SCHIP1: variants seen among roughly 807,000 people sequenced by gnomAD.
SCHIP1 encodes schwannomin-interacting protein 1.
In SCHIP1, 8 loss-of-function variants were observed where a neutral mutation model predicts 29.7. The ratio of observed to expected loss-of-function variants is 0.27; its 90% CI spans 0.16 to 0.49. SCHIP1 has a LOEUF of 0.49. Among genes scored for constraint, SCHIP1 ranks in the 20% least tolerant of loss-of-function variants. The pLI is 0.99. For missense variants in SCHIP1, 193 were observed against 294.6 expected, an observed-to-expected ratio of 0.66 and a Z score of 2.52; for synonymous variants, 76 against 94.9, an observed-to-expected ratio of 0.80 and a Z score of 1.16.
the SCHIP1 span, among the ~76,000 whole-genome samples, chr3:159,619,815 T>G: frequency 6.6e-6 from 1 of 152,216 alleles, no homozygotes; most frequent in South Asian, 2.1e-4. Context: ...ATGGCAGTGC[T>G]TCGTGTAACA....
At chr3:159,283,578 C>T in the SCHIP1 span, among the ~76,000 whole-genome samples, 1 of 151,660 alleles carries the variant, frequency 6.6e-6, no homozygotes, top group Admixed American at 6.6e-5. Context: ...GGCGCGCGAT[C>T]TTGGCGTGAG....
chr3:159,557,529 A>C, the SCHIP1 span, among the ~76,000 whole-genome samples: 1 of 152,174 alleles, frequency 6.6e-6, no homozygotes, highest in Admixed American at 6.5e-5. Flanking sequence ...AAGAATCAAA[A>C]TTTTGGCTGG....
At chr3:159,424,218 G>A in the SCHIP1 span, among the ~76,000 whole-genome samples, 15 of 152,230 alleles carry the variant, frequency 9.9e-5, no homozygotes, top group Middle Eastern at 3.4e-3. Context: ...GTTGAGAGAA[G>A]AAGGCTTCAG....
the SCHIP1 span, among the ~76,000 whole-genome samples, chr3:159,494,793 C>T: frequency 2.0e-5 from 3 of 151,686 alleles, no homozygotes; most frequent in Non-Finnish European, 2.9e-5. Context: ...CTGGCAGAGA[C>T]ACAACAAAAA....
intron 2 of SCHIP1, among the ~76,000 whole-genome samples, chr3:159,867,800 T>G (rs1212464795): frequency 6.6e-6 from 1 of 152,106 alleles, no homozygotes; most frequent in Non-Finnish European, 1.5e-5. Flanking sequence ...ATGTCTCATT[T>G]TCTTCATTTT....
At chr3:159,330,544 C>T in the SCHIP1 span, among the ~76,000 whole-genome samples, 54,585 of 151,826 alleles carry the variant, frequency 0.36, 11,200 homozygotes, top group East Asian at 0.47. Flanking sequence ...TATAGTATTG[C>T]GATTCCACTG....
chr3:159,301,626 T>C, the SCHIP1 span, among the ~76,000 whole-genome samples: 4 of 152,160 alleles, frequency 2.6e-5, no homozygotes, highest in Non-Finnish European at 4.4e-5. Context: ...TTTGCTGTTC[T>C]CGTGATAGTG....
At chr3:159,895,300 CCT>C (rs937691611) in intron 6 of SCHIP1, among the ~76,000 whole-genome samples, 4 of 152,238 alleles carry the variant, frequency 2.6e-5, no homozygotes, top group African/African-American at 7.2e-5. Flanking sequence ...TTGTCACTCC[CCT>C]GTTTCTGAAA....
At chr3:159,515,831 T>G in the SCHIP1 span, among the ~76,000 whole-genome samples, 14 of 152,224 alleles carry the variant, frequency 9.2e-5, no homozygotes, top group African/African-American at 2.6e-4. Context: ...GCACAGGAGA[T>G]ATGGTAGCGA....
chr3:159,765,421 C>A, the SCHIP1 span: 4 of 378,376 alleles, frequency 1.1e-5, no homozygotes, highest in East Asian at 1.9e-4. Flanking sequence ...AATGGAATTA[C>A]TTATGGAGAC....
the SCHIP1 span, among the ~76,000 whole-genome samples, chr3:159,500,735 G>C: frequency 6.6e-6 from 1 of 151,216 alleles, no homozygotes. Flanking sequence ...AGAAAAAAGA[G>C]ACCAAAAATA....
the SCHIP1 span, among the ~76,000 whole-genome samples, chr3:159,332,676 A>T: frequency 2.2e-4 from 33 of 152,270 alleles, no homozygotes; most frequent in South Asian, 6.4e-3. Context: ...ATGGGAATGA[A>T]TATCCATGGT....
At chr3:159,396,955 C>T in the SCHIP1 span, among the ~76,000 whole-genome samples, 1 of 144,226 alleles carries the variant, frequency 6.9e-6, no homozygotes. Context: ...CTTTCAGGTA[C>T]AGCAATCAGA....
At chr3:159,358,253 C>A in the SCHIP1 span, among the ~76,000 whole-genome samples, 1 of 152,108 alleles carries the variant, frequency 6.6e-6, no homozygotes, top group Non-Finnish European at 1.5e-5. Flanking sequence ...CCAGTGTCTT[C>A]GATTATCCCC....
chr3:159,669,774 T>G, the SCHIP1 span, among the ~76,000 whole-genome samples: 16 of 152,222 alleles, frequency 1.1e-4, no homozygotes, highest in Admixed American at 7.2e-4. Flanking sequence ...ATGCTTTGGT[T>G]GGTGATTCGG....
At chr3:159,279,909 A>G in the SCHIP1 span, among the ~76,000 whole-genome samples, 271 of 152,266 alleles carry the variant, frequency 1.8e-3, 1 homozygote, top group Non-Finnish European at 3.4e-3. Flanking sequence ...CAATGGTTAC[A>G]CAGTTCAAAA....
At chr3:159,380,246 C>T in the SCHIP1 span, among the ~76,000 whole-genome samples, 1 of 152,162 alleles carries the variant, frequency 6.6e-6, no homozygotes, top group Non-Finnish European at 1.5e-5. Context: ...TCCCATTCAT[C>T]GATGGGCATT....
the SCHIP1 span, among the ~76,000 whole-genome samples, chr3:159,458,269 G>A: frequency 2.0e-5 from 3 of 152,242 alleles, no homozygotes; most frequent in East Asian, 1.9e-4. Context: ...AGGTGACCAC[G>A]CCTGCCTAAC....
the SCHIP1 span, among the ~76,000 whole-genome samples, chr3:159,335,449 G>A: frequency 1.2e-4 from 18 of 151,966 alleles, 1 homozygote; most frequent in Middle Eastern, 3.4e-3. Context: ...CCATTAACTC[G>A]TCATTTAACA....
Sources: gnomAD v4.1 joint callset for allele counts (sites outside exome capture counted in the v4.1 genomes callset) on GRCh38, gnomAD v4.1.1 for gene constraint, MANE v1.5 for transcripts, NCBI Gene and HGNC (gene_info 2026-07-23, HGNC 2026-07-21) for gene names.